PTPN4: variants seen among roughly 807,000 people sequenced by gnomAD.
PTPN4 encodes tyrosine-protein phosphatase non-receptor type 4.
A neutral mutation model predicts 135.5 loss-of-function variants in PTPN4; 49 were observed. That is an observed-to-expected ratio of 0.36 (90% CI 0.29 to 0.46). The LOEUF (loss-of-function observed/expected upper bound fraction) is 0.46, where lower values mean the gene tolerates loss of function less well. PTPN4 is among the 20% of genes least tolerant of loss of function. The pLI, the probability that PTPN4 is intolerant of heterozygous loss-of-function variation, is 1.00. For missense variants in PTPN4, 860 were observed against 1,101.0 expected, an observed-to-expected ratio of 0.78 and a Z score of 3.10; for synonymous variants, 333 against 369.9, an observed-to-expected ratio of 0.90 and a Z score of 1.14.
At chr2:119,841,043 T>A (rs551933388) in intron 2 of PTPN4, among the ~76,000 whole-genome samples, 23 of 152,166 alleles carry the variant, frequency 1.5e-4, no homozygotes, top group African/African-American at 4.6e-4. Context: ...CTGATAGGCT[T>A]TTTTCTTTTT....
chr2:119,892,198 A>G, intron 9 of PTPN4, among the ~76,000 whole-genome samples: 1 of 152,244 alleles, frequency 6.6e-6, no homozygotes, highest in East Asian at 1.9e-4. Context: ...CTATATTGAT[A>G]GAAGTCAGAA....
intron 9 of PTPN4, among the ~76,000 whole-genome samples, chr2:119,898,314 C>CAG (rs1488083642): frequency 6.6e-6 from 1 of 152,030 alleles, no homozygotes; most frequent in African/African-American, 2.4e-5. Context: ...GAGATATGAT[C>CAG]AGAGATATGA....
chr2:119,934,216 C>T lies in PTPN4; in HGVS notation c.1197-584C>T, dbSNP rs371101454. ...AAGTTAATCTCTGTCTCATTTTTCT[C>T]ATCTACAAAATTATATTTATAATAA... On this transcript the variant is annotated intron_variant, in intron 14 of 26. Coordinates refer to ENST00000263708, the MANE Select transcript of PTPN4 (RefSeq NM_002830.4). Among the ~76,000 whole-genome samples, 10 of 152,250 alleles carry T rather than the reference C, an allele frequency of 6.6e-5. No homozygotes were observed. In the East Asian group the frequency reaches 1.5e-3, roughly 23 times the overall value.
rs563430456 is a variant in PTPN4, at chr2:119,899,996, T to G, written c.676-722T>G. On this transcript the variant is annotated intron_variant, in intron 9 of 26. Coordinates refer to ENST00000263708, the MANE Select transcript of PTPN4 (RefSeq NM_002830.4). ...GTAAAAGCGTGCCTCCTGTATTAGG[T>G]TACTTGTAGAATCTTTTAAATAAAG... Among the ~76,000 whole-genome samples, 3 of 152,270 alleles carry G rather than the reference T, an allele frequency of 2.0e-5. No homozygotes were observed. The East Asian group carries it at 5.8e-4, about 29-fold the overall frequency.
chr2:119,895,784 G>A (rs189406157), intron 9 of PTPN4, among the ~76,000 whole-genome samples: 15 of 152,168 alleles, frequency 9.9e-5, no homozygotes, highest in African/African-American at 1.4e-4. Flanking sequence ...AGCTGGGCGC[G>A]GTGGCGGGCT....
intron 26 of PTPN4, among the ~76,000 whole-genome samples, chr2:119,972,760 C>T (rs559944720): frequency 5.3e-4 from 80 of 152,120 alleles, no homozygotes; most frequent in African/African-American, 1.8e-3. Context: ...TGTTTTCATC[C>T]TGAAAGTGTG....
At chr2:119,827,089 G>C (rs915417184) in intron 2 of PTPN4, among the ~76,000 whole-genome samples, 3 of 152,168 alleles carry the variant, frequency 2.0e-5, no homozygotes, top group African/African-American at 7.2e-5. Context: ...TCTTCAGAAA[G>C]TTGAGTCAAG....
chr2:119,834,188 C>CT (rs1347801350), intron 2 of PTPN4, among the ~76,000 whole-genome samples: 1 of 152,158 alleles, frequency 6.6e-6, no homozygotes, highest in Non-Finnish European at 1.5e-5. Context: ...TTCAAATTCT[C>CT]TTTTCTAGGT....
At chr2:119,873,541 G>T (rs533475764) in intron 3 of PTPN4, among the ~76,000 whole-genome samples, 105 of 152,240 alleles carry the variant, frequency 6.9e-4, no homozygotes, top group African/African-American at 2.5e-3. Context: ...GAAAAGATTA[G>T]AAACCATGAG....
At chr2:119,869,706 A>G (rs1677881889) in intron 3 of PTPN4, among the ~76,000 whole-genome samples, 1 of 152,190 alleles carries the variant, frequency 6.6e-6, no homozygotes, top group South Asian at 2.1e-4. Flanking sequence ...TTGTTTTTCA[A>G]GAGTAGACTT....
intron 1 of PTPN4, among the ~76,000 whole-genome samples, chr2:119,766,453 T>TC: frequency 7.9e-6 from 1 of 127,328 alleles, no homozygotes; most frequent in African/African-American, 2.8e-5. Flanking sequence ...TGCGCGCGTG[T>TC]GTGTGTGTGT....
intron 12 of PTPN4, among the ~76,000 whole-genome samples, chr2:119,925,124 C>G (rs1222050517): frequency 6.6e-6 from 1 of 152,128 alleles, no homozygotes. Context: ...CAGAGAAGTA[C>G]TGCTTTAATC....
intron 1 of PTPN4, among the ~76,000 whole-genome samples, chr2:119,785,377 AC>A (rs1230923018): frequency 6.6e-6 from 1 of 152,212 alleles, no homozygotes. Flanking sequence ...ATTCTGATGC[AC>A]ACTTAAGTGA....
intron 2 of PTPN4, among the ~76,000 whole-genome samples, chr2:119,811,421 T>C (rs1472289043): frequency 1.3e-5 from 2 of 152,162 alleles, no homozygotes; most frequent in Admixed American, 1.3e-4. Flanking sequence ...CCAACAGATT[T>C]AGGATTTAGT....
intron 3 of PTPN4, among the ~76,000 whole-genome samples, chr2:119,870,480 A>T (rs182219548): frequency 6.6e-6 from 1 of 152,210 alleles, no homozygotes; most frequent in South Asian, 2.1e-4. Flanking sequence ...TGGGGAGAAG[A>T]TTTGACAATA....
At chr2:119,903,308 C>T (rs1486157034) in intron 10 of PTPN4, among the ~76,000 whole-genome samples, 1 of 152,082 alleles carries the variant, frequency 6.6e-6, no homozygotes, top group Non-Finnish European at 1.5e-5. Flanking sequence ...TATCTGAGCA[C>T]ACCTTCCAGG....
chr2:119,982,411 G>A lies in PTPN4; in HGVS notation c.*5341G>A, dbSNP rs1014080791. On this transcript the variant is annotated 3_prime_UTR_variant, in exon 27 of 27. Coordinates refer to ENST00000263708, the MANE Select transcript of PTPN4 (RefSeq NM_002830.4). ...ACTCTATTTGTTTTAAAGTCTACACGGGATTGAAAAGAAAGGGAAGAGTAT... is the reference window on the plus strand; with the variant it reads ...ACTCTATTTGTTTTAAAGTCTACACAGGATTGAAAAGAAAGGGAAGAGTAT... 3 of 152,038 alleles carry A rather than the reference G, an allele frequency of 2.0e-5. No individual in the cohort carries two copies. Among genetic ancestry groups the A allele is most frequent in the African/African-American group, 7.2e-5 (3 of 41,382 alleles). 9.4% of individuals were successfully genotyped at this position (152,038 alleles called of 1,614,324 possible).
chr2:119,934,208 A>G (rs1361258977), intron 14 of PTPN4, among the ~76,000 whole-genome samples: 1 of 152,128 alleles, frequency 6.6e-6, no homozygotes, highest in African/African-American at 2.4e-5. Context: ...TCTCTGTCTC[A>G]TTTTTCTCAT....
intron 22 of PTPN4, among the ~76,000 whole-genome samples, chr2:119,958,477 C>A (rs1191729585): frequency 6.6e-6 from 1 of 152,136 alleles, no homozygotes; most frequent in East Asian, 1.9e-4. Flanking sequence ...TCCCCCCATA[C>A]CTCTTACGCA....
Sources: gnomAD v4.1 joint callset for allele counts (sites outside exome capture counted in the v4.1 genomes callset) on GRCh38, gnomAD v4.1.1 for gene constraint, MANE v1.5 for transcripts, NCBI Gene and HGNC (gene_info 2026-07-23, HGNC 2026-07-21) for gene names.